Variants in RGS3 observed in about 807,000 individuals in gnomAD.
RGS3 encodes regulator of G protein signaling 3.
Under a neutral mutation model 132.6 loss-of-function variants are expected in RGS3, and 80 were observed. The observed-to-expected ratio is 0.60, with a 90% CI of 0.50 to 0.73. RGS3 has a LOEUF of 0.73. Ranked by LOEUF, RGS3 falls within the 30% of genes least tolerant of loss-of-function variation. The pLI is 0.00. For synonymous variants in RGS3, 598 were observed against 620.6 expected, an observed-to-expected ratio of 0.96 and a Z score of 0.54; for missense variants, 1,382 against 1,530.8, an observed-to-expected ratio of 0.90 and a Z score of 1.62.
rs1832725690 is a variant in RGS3, at chr9:113,537,423, G to A, written c.2037+505G>A. On this transcript the variant is annotated intron_variant, in intron 19 of 24. Coordinates refer to ENST00000350696, the Ensembl canonical transcript of RGS3. The surrounding 1 kb of genome is among the most constrained non-coding windows in gnomAD (Gnocchi z 4.3). ...CTGGGGTCTGGGGACTGGCTGGCAGGAGCACCGGGGAAGATTAGAGACTCC... is the reference window on the plus strand; with the variant it reads ...CTGGGGTCTGGGGACTGGCTGGCAGAAGCACCGGGGAAGATTAGAGACTCC... 6.6e-6 allele frequency among the ~76,000 whole-genome samples: 1 copy of A among 152,152 alleles called. No homozygotes were observed.
chr9:113,506,583 T>C lies in RGS3; in HGVS notation c.1085+90T>C, dbSNP rs1831143615. 3 of 800,516 alleles carry C rather than the reference T, an allele frequency of 3.7e-6. No homozygotes were observed. The highest frequency in any genetic ancestry group is 4.6e-5 in the Admixed American group (2 of 43,470). The allele number at this position is 800,516 out of a possible 1,614,324, so 49.6% of individuals were successfully genotyped here. On this transcript the variant is annotated intron_variant, in intron 12 of 24. Coordinates refer to ENST00000350696, the Ensembl canonical transcript of RGS3. The surrounding 1 kb of genome is among the most constrained non-coding windows in gnomAD (Gnocchi z 4.7). The stretch of plus-strand genomic sequence containing the variant: ...ACACTGCCTTGCCTGGCCCAGCTCT[T>C]GCTGCTCCCTCTTTTGCCTAGCTGT...
At chr9:113,504,327 A>C (rs1010626366) in intron 10 of RGS3, among the ~76,000 whole-genome samples, 1 of 152,064 alleles carries the variant, frequency 6.6e-6, no homozygotes, top group African/African-American at 2.4e-5. Context: ...GGCCCACCCC[A>C]AGTCCCAGTT....
intron 3 of RGS3, chr9:113,479,289 G>A: frequency 1.6e-6 from 1 of 630,222 alleles, no homozygotes; most frequent in Non-Finnish European, 2.9e-6. Context: ...AACCACTGCT[G>A]GAGGCATTCG....
In RGS3 at chr9:113,506,124, G is replaced by A. The variant is rs1831120700; in HGVS notation, c.980-264G>A. On this transcript the variant is annotated intron_variant, in intron 11 of 24. Coordinates refer to ENST00000350696, the Ensembl canonical transcript of RGS3. The surrounding 1 kb of genome is among the most constrained non-coding windows in gnomAD (Gnocchi z 4.7). ...GGGAGGGGTAAGGGCCCGGGTAGAA[G>A]GGTGGACTGCAGAGAGGTAAGCCAG... Among the ~76,000 whole-genome samples the A allele has an allele frequency of 6.6e-6, 1 of 152,110 alleles. No homozygotes were observed. Among genetic ancestry groups the A allele is most frequent in the Non-Finnish European group, 1.5e-5 (1 of 68,016 alleles).
intron 19 of RGS3, among the ~76,000 whole-genome samples, chr9:113,545,330 T>G (rs1054783959): frequency 1.3e-5 from 2 of 152,226 alleles, no homozygotes; most frequent in Non-Finnish European, 2.9e-5. Context: ...ATGTGGAACC[T>G]GCCAGGTTTT....
At chr9:113,505,736 A>G (rs1831101839) in intron 11 of RGS3, among the ~76,000 whole-genome samples, 1 of 152,250 alleles carries the variant, frequency 6.6e-6, no homozygotes, top group African/African-American at 2.4e-5. Context: ...TCAAAATGAA[A>G]ATAGGTTTTT....
intron 7 of RGS3, among the ~76,000 whole-genome samples, chr9:113,490,540 C>A (rs950370840): frequency 1.4e-5 from 2 of 146,456 alleles, no homozygotes; most frequent in African/African-American, 5.2e-5. Context: ...CAGTATTAAT[C>A]AGAACTTGTG....
At chr9:113,540,102 G>C (rs7049221) in intron 19 of RGS3, among the ~76,000 whole-genome samples, 23,995 of 151,722 alleles carry the variant, frequency 0.16, 2,038 homozygotes, top group African/African-American at 0.2. Context: ...TTCATCACCC[G>C]CTCCTTCCTT....
intron 19 of RGS3, among the ~76,000 whole-genome samples, chr9:113,543,519 G>A (rs977321652): frequency 2.6e-5 from 4 of 152,220 alleles, no homozygotes; most frequent in African/African-American, 7.2e-5. Context: ...GGCTCAGCCC[G>A]CGGGGGGGAT....
intron 10 of RGS3, among the ~76,000 whole-genome samples, chr9:113,502,915 T>C (rs958054221): frequency 6.6e-6 from 1 of 152,214 alleles, no homozygotes; most frequent in Admixed American, 6.5e-5. Context: ...AATAGGATAA[T>C]GAAATCCAGC....
intron 19 of RGS3, among the ~76,000 whole-genome samples, chr9:113,548,904 T>A (rs1447097105): frequency 6.6e-6 from 1 of 152,090 alleles, no homozygotes; most frequent in Non-Finnish European, 1.5e-5. Context: ...GAGAGTCGCC[T>A]GGCAGGCGAG....
chr9:113,465,464 T>TGTGC (rs1490692783), intron 3 of RGS3, among the ~76,000 whole-genome samples: 2 of 151,446 alleles, frequency 1.3e-5, no homozygotes, highest in Non-Finnish European at 2.9e-5. Context: ...TGTGTGTGTG[T>TGTGC]GTGTGTGTGT....
chr9:113,518,016 G>T (rs142839015), intron 16 of RGS3, among the ~76,000 whole-genome samples: 1 of 152,258 alleles, frequency 6.6e-6, no homozygotes, highest in East Asian at 1.9e-4. Flanking sequence ...AGTTTTCTGG[G>T]CCTGTTTTAA....
intron 19 of RGS3, among the ~76,000 whole-genome samples, chr9:113,577,236 G>T (rs1479311509): frequency 1.3e-5 from 2 of 152,138 alleles, no homozygotes; most frequent in African/African-American, 4.8e-5. Flanking sequence ...CACCCGTCTT[G>T]ACCTCCCAAA....
At position 113,565,449 on chromosome 9, in the gene RGS3, A is replaced by C. The variant is rs551910824; in HGVS notation, c.2038-18001A>C. On this transcript the variant is annotated intron_variant, in intron 19 of 24. Coordinates refer to ENST00000350696, the Ensembl canonical transcript of RGS3. This position sits in a 1 kb window ranked among gnomAD's most constrained non-coding sequence, Gnocchi z 5.7. ...AAGAGGAGGAGGGACGGGTGATGCA[A>C]GGGTTTTGAAAGCGCTACCTAGATG... 1.4e-4 allele frequency: 167 copies of C among 1,200,840 alleles called. No individual in the cohort carries two copies. In the South Asian group the frequency reaches 2.0e-3, roughly 14 times the overall value. The allele number at this position is 1,200,840 out of a possible 1,614,324, so 74.4% of individuals were successfully genotyped here.
intron 21 of RGS3, chr9:113,592,466 G>A (rs1041446295): frequency 2.6e-5 from 4 of 152,176 alleles, no homozygotes; most frequent in African/African-American, 7.2e-5. Flanking sequence ...TTCAATGTAG[G>A]TGCTGCCTTT....
chr9:113,492,115 C>T (rs1237821387), intron 7 of RGS3, among the ~76,000 whole-genome samples: 1 of 152,148 alleles, frequency 6.6e-6, no homozygotes, highest in Non-Finnish European at 1.5e-5. Context: ...AATGGTATAA[C>T]CCTGTAACAG....
intron 19 of RGS3, chr9:113,580,747 G>C: frequency 1.0e-6 from 1 of 969,602 alleles, no homozygotes; most frequent in Non-Finnish European, 1.2e-6. Context: ...GTTTGGTTTG[G>C]CCTCGATTTA....
chr9:113,596,996 G>T, exon 25 of RGS3: 1 of 1,534,370 alleles, frequency 6.5e-7, no homozygotes. Flanking sequence ...AGGCGGGCTG[G>T]GTCCCCTGCC....
Sources: gnomAD v4.1 joint callset for allele counts (sites outside exome capture counted in the v4.1 genomes callset) on GRCh38, gnomAD v4.1.1 for gene constraint, Gnocchi (gnomAD v3.1) non-coding constraint, MANE v1.5 for transcripts, NCBI Gene and HGNC (gene_info 2026-07-23, HGNC 2026-07-21) for gene names.